Variants in ATXN1 observed in about 807,000 individuals in gnomAD.
ATXN1 encodes ataxin 1, also known as ataxin-1.
In ATXN1, 8 loss-of-function variants were observed where a neutral mutation model predicts 56.4. The ratio of observed to expected loss-of-function variants is 0.14; its 90% confidence interval spans 0.08 to 0.26. The LOEUF is 0.26. Among genes scored for constraint, ATXN1 ranks in the 10% least tolerant of loss-of-function variants. The pLI is 1.00. For missense variants in ATXN1, 987 were observed against 1,106.5 expected, an observed-to-expected ratio of 0.89 and a Z score of 1.53; for synonymous variants, 514 against 494.6, an observed-to-expected ratio of 1.04 and a Z score of -0.52.
chr6:16,312,578 C>T (rs1381137534), intron 7 of ATXN1, among the ~76,000 whole-genome samples: 3 of 151,882 alleles, frequency 2.0e-5, no homozygotes, highest in South Asian at 2.1e-4. Context: ...TGGCTGGGCA[C>T]GGTGGCTCAC....
chr6:16,741,863 A>G (rs1760351055), intron 2 of ATXN1, among the ~76,000 whole-genome samples: 1 of 152,354 alleles, frequency 6.6e-6, no homozygotes, highest in Non-Finnish European at 1.5e-5. Flanking sequence ...CTCCTTTTAT[A>G]TCTGTTTACA....
intron 6 of ATXN1, among the ~76,000 whole-genome samples, chr6:16,409,980 C>A (rs1268590050): frequency 1.3e-5 from 2 of 152,134 alleles, no homozygotes; most frequent in East Asian, 1.9e-4. Flanking sequence ...GAAAATTAAC[C>A]CTTCAAGACT....
intron 4 of ATXN1, among the ~76,000 whole-genome samples, chr6:16,556,810 A>G (rs1157063561): frequency 6.6e-6 from 1 of 152,246 alleles, no homozygotes; most frequent in East Asian, 1.9e-4. Flanking sequence ...TATAAAAATT[A>G]TAACAGGCAG....
chr6:16,746,410 T>C (rs1417705607), intron 2 of ATXN1, among the ~76,000 whole-genome samples: 2 of 152,180 alleles, frequency 1.3e-5, no homozygotes, highest in Non-Finnish European at 2.9e-5. Context: ...AGAAAAGGAA[T>C]TACCTAGAGA....
At chr6:16,594,157 A>AATATATAT (rs60089226) in intron 3 of ATXN1, among the ~76,000 whole-genome samples, 1 of 146,998 alleles carries the variant, frequency 6.8e-6, no homozygotes, top group East Asian at 2.0e-4. Flanking sequence ...ATATTAGACT[A>AATATATAT]ATATATATAT....
chr6:16,709,934 C>T (rs1380115040), intron 2 of ATXN1, among the ~76,000 whole-genome samples: 1 of 152,136 alleles, frequency 6.6e-6, no homozygotes, highest in Non-Finnish European at 1.5e-5. Context: ...TAATTCACCA[C>T]ATAAAGCGGA....
At chr6:16,710,190 T>C (rs779086046) in intron 2 of ATXN1, among the ~76,000 whole-genome samples, 2 of 152,208 alleles carry the variant, frequency 1.3e-5, no homozygotes, top group Non-Finnish European at 2.9e-5. Context: ...AAAAGGATGA[T>C]TTAAAAATTA....
intron 3 of ATXN1, among the ~76,000 whole-genome samples, chr6:16,640,891 T>A (rs1235308600): frequency 1.3e-5 from 2 of 152,210 alleles, no homozygotes; most frequent in African/African-American, 4.8e-5. Context: ...TTAGCCAAGC[T>A]GTGAATGCTA....
intron 6 of ATXN1, among the ~76,000 whole-genome samples, chr6:16,426,635 G>A (rs1317146085): frequency 4.0e-5 from 6 of 151,668 alleles, no homozygotes; most frequent in Non-Finnish European, 7.4e-5. Flanking sequence ...GAGAGAGAGA[G>A]AGGCAGAGAG....
intron 3 of ATXN1, among the ~76,000 whole-genome samples, chr6:16,633,564 G>C (rs1261860076): frequency 6.6e-6 from 1 of 152,154 alleles, no homozygotes; most frequent in African/African-American, 2.4e-5. Flanking sequence ...CTCAAAGGGA[G>C]CTGAGTACTT....
chr6:16,306,605 G>T lies in ATXN1; in HGVS notation c.2172C>A (p.Ala724=). Residue 724 remains alanine (A), a synonymous_variant, in exon 8 of 8, where the codon GCC becomes GCA. Transcript: ENST00000436367. This position sits in a 1 kb window ranked among gnomAD's most constrained non-coding sequence, Gnocchi z 5.2. ...DGLAGSRHRY[A]EQENGINQGS... is the part of the protein sequence containing the mutation. ...CCTGGTTGATTCCGTTTTCCTGCTC[G>T]GCATACCTGTGTCTGCTGCCCGCCA... 6.2e-7 allele frequency: 1 copy of T among 1,614,200 alleles called. No individual in the cohort carries two copies. Among genetic ancestry groups the T allele is most frequent in the Non-Finnish European group, 8.5e-7 (1 of 1,180,038 alleles).
chr6:16,707,884 C>A (rs1759439737), intron 2 of ATXN1, among the ~76,000 whole-genome samples: 2 of 152,198 alleles, frequency 1.3e-5, no homozygotes, highest in South Asian at 4.1e-4. Context: ...AAAATCCGAT[C>A]TATCCAAAGG....
intron 6 of ATXN1, among the ~76,000 whole-genome samples, chr6:16,387,701 A>G (rs1758270125): frequency 6.6e-6 from 1 of 152,118 alleles, no homozygotes; most frequent in Non-Finnish European, 1.5e-5. Flanking sequence ...TTAACGAAAC[A>G]CTCTCTAGAA....
intron 6 of ATXN1, among the ~76,000 whole-genome samples, chr6:16,406,457 C>T (rs1286751016): frequency 6.6e-6 from 1 of 152,140 alleles, no homozygotes; most frequent in Non-Finnish European, 1.5e-5. Flanking sequence ...TACTAGACAC[C>T]CTATTTCCTT....
chr6:16,581,086 T>C (rs1762518267), intron 4 of ATXN1, among the ~76,000 whole-genome samples: 2 of 152,066 alleles, frequency 1.3e-5, no homozygotes, highest in Non-Finnish European at 2.9e-5. Context: ...CCCTACAGTT[T>C]TTCTTTTTGT....
chr6:16,696,044 C>T (rs1329022235), intron 2 of ATXN1, among the ~76,000 whole-genome samples: 2 of 151,796 alleles, frequency 1.3e-5, no homozygotes, highest in Non-Finnish European at 2.9e-5. Context: ...TCACGTATAC[C>T]GACAGTCCTT....
chr6:16,570,969 T>TGA (rs3072217), intron 4 of ATXN1, among the ~76,000 whole-genome samples: 70,074 of 151,804 alleles, frequency 0.46, 18,808 homozygotes, highest in East Asian at 0.73. Context: ...TTAAGAGAAG[T>TGA]GACCTGTTTG....
intron 2 of ATXN1, among the ~76,000 whole-genome samples, chr6:16,675,714 C>G (rs1327716012): frequency 6.6e-6 from 1 of 151,824 alleles, no homozygotes; most frequent in Non-Finnish European, 1.5e-5. Context: ...AGCCCCATCT[C>G]TACTAAAAAA....
rs1166485440 is a variant in ATXN1, at chr6:16,306,023, C to G, written c.*306G>C. 3.9e-6 allele frequency: 1 copy of G among 256,000 alleles called. No individual in the cohort carries two copies. Among genetic ancestry groups the G allele is most frequent in the African/African-American group, 2.3e-5 (1 of 43,754 alleles). 15.9% of individuals were successfully genotyped at this position (256,000 alleles called of 1,614,324 possible). On this transcript the variant is annotated 3_prime_UTR_variant, in exon 8 of 8. Coordinates refer to ENST00000436367, the MANE Select transcript of ATXN1 (RefSeq NM_001128164.2). The surrounding 1 kb of genome is among the most constrained non-coding windows in gnomAD (Gnocchi z 5.2). ...CACTAGCGGGAGTCAGCGCCCCCGG[C>G]TGCTTCTGTGCCGCTAGAGAAGGCA...
Sources: gnomAD v4.1 joint callset for allele counts (sites outside exome capture counted in the v4.1 genomes callset) on GRCh38, gnomAD v4.1.1 for gene constraint, Gnocchi (gnomAD v3.1) non-coding constraint, MANE v1.5 for transcripts, NCBI Gene and HGNC (gene_info 2026-07-23, HGNC 2026-07-21) for gene names.